Variants in ITGA9 observed in about 807,000 individuals in gnomAD.
ITGA9 encodes integrin alpha-9.
In ITGA9, 56 loss-of-function variants were observed where a neutral mutation model predicts 127.8. That is an observed-to-expected ratio of 0.44 (90% CI 0.35 to 0.55). The LOEUF (loss-of-function observed/expected upper bound fraction) is 0.55, where lower values mean the gene tolerates loss of function less well. Among genes scored for constraint, ITGA9 ranks in the 20% least tolerant of loss-of-function variants. The probability of loss-of-function intolerance (pLI) is 0.00; values close to 1 mark genes in which losing one functional copy is unlikely to be tolerated. For missense variants in ITGA9, 1,196 were observed against 1,347.1 expected (o/e 0.89, Z 1.76); for synonymous variants, 508 against 514.5 (o/e 0.99, Z 0.17).
intron 21 of ITGA9, 41 bp downstream of exon 21, chr3:37,741,860 C>T (rs2125533508): frequency 2.1e-6 from 3 of 1,459,766 alleles, no homozygotes; most frequent in African/African-American, 1.4e-5. Context: ...ACAGGAGTGC[C>T]CTCCAGTGGA....
intron 18 of ITGA9, among the ~76,000 whole-genome samples, chr3:37,705,916 T>C (rs1701000070): frequency 6.6e-6 from 1 of 152,244 alleles, no homozygotes; most frequent in Non-Finnish European, 1.5e-5. Context: ...TTTGTTCATC[T>C]GGAAAGAAGG....
intron 4 of ITGA9, among the ~76,000 whole-genome samples, chr3:37,482,304 G>A (rs1307830706): frequency 6.6e-6 from 1 of 152,256 alleles, no homozygotes; most frequent in African/African-American, 2.4e-5. Context: ...GCACTTGGAA[G>A]GAAAATGTAT....
At chr3:37,786,651 C>T (rs114556053) in intron 26 of ITGA9, among the ~76,000 whole-genome samples, 1 of 152,060 alleles carries the variant, frequency 6.6e-6, no homozygotes, top group Non-Finnish European at 1.5e-5. Flanking sequence ...ATGCTTAGGA[C>T]CTCAATAAAA....
chr3:37,527,485 AG>A (rs973779766), intron 13 of ITGA9, among the ~76,000 whole-genome samples: 3 of 152,184 alleles, frequency 2.0e-5, no homozygotes, highest in African/African-American at 7.2e-5. Flanking sequence ...TAGTATCTGA[AG>A]GGGGCAATTG....
chr3:37,584,712 G>A (rs558345983), intron 15 of ITGA9, among the ~76,000 whole-genome samples: 47 of 152,066 alleles, frequency 3.1e-4, no homozygotes, highest in South Asian at 8.3e-4. Context: ...CCAAGACTGC[G>A]CCACTGCACT....
At chr3:37,554,468 G>T (rs577951529) in intron 15 of ITGA9, among the ~76,000 whole-genome samples, 16 of 152,120 alleles carry the variant, frequency 1.1e-4, no homozygotes, top group African/African-American at 3.6e-4. Context: ...ACTCAGAGGG[G>T]GATGGGAGTG....
chr3:37,466,707 G>T (rs1172131358), intron 1 of ITGA9, among the ~76,000 whole-genome samples: 1 of 152,082 alleles, frequency 6.6e-6, no homozygotes, highest in African/African-American at 2.4e-5. Flanking sequence ...TAATGGGCTG[G>T]GGCCTAAGAT....
At chr3:37,513,609 C>G (rs1698955662) in intron 8 of ITGA9, among the ~76,000 whole-genome samples, 154 bp from the exon 9 acceptor site, 1 of 150,680 alleles carries the variant, frequency 6.6e-6, no homozygotes, top group Admixed American at 6.6e-5. Flanking sequence ...ACAGCAGGCC[C>G]TGGTGTGTGA....
At chr3:37,583,107 G>A (rs1345593397) in intron 15 of ITGA9, among the ~76,000 whole-genome samples, 1 of 152,076 alleles carries the variant, frequency 6.6e-6, no homozygotes, top group African/African-American at 2.4e-5. Flanking sequence ...CTATACAATT[G>A]CCAATATTGG....
chr3:37,572,898 G>A (rs1699616058), intron 15 of ITGA9, among the ~76,000 whole-genome samples: 1 of 152,196 alleles, frequency 6.6e-6, no homozygotes, highest in Non-Finnish European at 1.5e-5. Flanking sequence ...GCATGATGGA[G>A]TCATAAATCA....
At chr3:37,644,837 G>A (rs1700362624) in intron 16 of ITGA9, among the ~76,000 whole-genome samples, 2 of 152,172 alleles carry the variant, frequency 1.3e-5, no homozygotes, top group Admixed American at 6.5e-5. Flanking sequence ...TTAATTTCAT[G>A]AACGATTTGC....
rs374619195 is a variant in ITGA9, at chr3:37,771,724, C to A, written c.2542-5668C>A. 3.3e-5 allele frequency among the ~76,000 whole-genome samples: 5 copies of A among 152,196 alleles called. No individual in the cohort carries two copies. The South Asian group carries it at 6.2e-4, about 19-fold the overall frequency. ...AACATTCCAGAATGCTCTGTTCCCCCCTTCCAGCCCAAGAGACTGTGCAGA... is the reference window on the plus strand; with the variant it reads ...AACATTCCAGAATGCTCTGTTCCCCACTTCCAGCCCAAGAGACTGTGCAGA... On this transcript the variant is annotated intron_variant, in intron 23 of 27. Transcript: ENST00000264741.
intron 16 of ITGA9, among the ~76,000 whole-genome samples, chr3:37,649,020 T>G (rs1700404669): frequency 6.7e-6 from 1 of 149,546 alleles, no homozygotes; most frequent in Non-Finnish European, 1.5e-5. Flanking sequence ...TAACAGACTG[T>G]TACAAATTAT....
chr3:37,786,662 C>T, intron 26 of ITGA9, among the ~76,000 whole-genome samples: 1 of 151,700 alleles, frequency 6.6e-6, no homozygotes, highest in Middle Eastern at 3.4e-3. Context: ...CTCAATAAAA[C>T]TTCAGTCCTG....
chr3:37,773,967 T>A (rs1287368866), intron 23 of ITGA9, among the ~76,000 whole-genome samples: 4 of 152,244 alleles, frequency 2.6e-5, no homozygotes, highest in Non-Finnish European at 5.9e-5. Flanking sequence ...CAAGTGTGCA[T>A]CTTCTGAGAT....
intron 15 of ITGA9, among the ~76,000 whole-genome samples, chr3:37,615,008 T>A (rs922712740): frequency 1.3e-5 from 2 of 152,184 alleles, no homozygotes; most frequent in Non-Finnish European, 2.9e-5. Flanking sequence ...CTATGTTGAA[T>A]AGGAGTGGTG....
At chr3:37,469,280 C>T (rs1698403632) in intron 1 of ITGA9, among the ~76,000 whole-genome samples, 1 of 152,166 alleles carries the variant, frequency 6.6e-6, no homozygotes, top group Non-Finnish European at 1.5e-5. Flanking sequence ...CTCCTGTTTG[C>T]ATGCAAACTG....
chr3:37,563,763 C>G (rs186964714), intron 15 of ITGA9, among the ~76,000 whole-genome samples: 3 of 152,290 alleles, frequency 2.0e-5, no homozygotes, highest in African/African-American at 7.2e-5. Flanking sequence ...TGAAGTCCTG[C>G]CTGGTAGGCA....
chr3:37,714,553 C>T (rs2125680276), intron 18 of ITGA9, among the ~76,000 whole-genome samples: 1 of 152,312 alleles, frequency 6.6e-6, no homozygotes, highest in South Asian at 2.1e-4. Flanking sequence ...ATGAGACCAT[C>T]CTCCATGTGG....
Sources: gnomAD v4.1 joint callset for allele counts (sites outside exome capture counted in the v4.1 genomes callset) on GRCh38, gnomAD v4.1.1 for gene constraint, MANE v1.5 for transcripts, NCBI Gene and HGNC (gene_info 2026-07-23, HGNC 2026-07-21) for gene names.